PIK3C2G: variants seen among roughly 807,000 people sequenced by gnomAD.
PIK3C2G encodes phosphatidylinositol 3-kinase C2 domain-containing subunit gamma.
A neutral mutation model predicts 181.1 loss-of-function variants in PIK3C2G; 168 were observed. The observed-to-expected ratio is 0.93, with a 90% CI of 0.82 to 1.05. PIK3C2G has a LOEUF of 1.05. PIK3C2G is among the 50% of genes least tolerant of loss of function. The pLI, the probability that PIK3C2G is intolerant of heterozygous loss-of-function variation, is 0.00. For missense variants in PIK3C2G, 1,869 were observed against 1,732.8 expected (o/e 1.08, Z -1.40); for synonymous variants, 573 against 592.2 (o/e 0.97, Z 0.47).
chr12:18,637,423 A>C (rs1016784443), intron 31 of PIK3C2G, among the ~76,000 whole-genome samples: 1 of 151,800 alleles, frequency 6.6e-6, no homozygotes, highest in Non-Finnish European at 1.5e-5. Context: ...TTTACAAAAA[A>C]ATGAAATAAG....
Position 18,562,732 on chromosome 12 carries a change from C to T in PIK3C2G, c.3620C>T (p.Pro1207Leu). The T allele has an allele frequency of 6.2e-7, 1 of 1,602,742 alleles. No individual in the cohort carries two copies. Among genetic ancestry groups the T allele is most frequent in the Non-Finnish European group, 8.5e-7 (1 of 1,173,444 alleles). Residue 1207 changes from proline to leucine, a missense_variant, in exon 27 of 33, where the codon CCT becomes CTT. Coordinates refer to ENST00000538779, the MANE Select transcript of PIK3C2G (RefSeq NM_001288772.2). ...KKIKESLECF[P>L]VKLNNLIHTL... ...ATAAAGGAAAGTCTGGAGTGTTTCC[C>T]TGTTAAATTGAATAACTTGATCCAC...
At chr12:18,540,807 A>T (rs1188807411) in intron 25 of PIK3C2G, among the ~76,000 whole-genome samples, 1 of 151,838 alleles carries the variant, frequency 6.6e-6, no homozygotes, top group Non-Finnish European at 1.5e-5. Context: ...TGAAATAGAG[A>T]TCAGAAGCAA....
chr12:18,292,222 AAAAAAATATATATATATATAT>A (rs1220430236), intron 4 of PIK3C2G, among the ~76,000 whole-genome samples: 6 of 104,382 alleles, frequency 5.7e-5, no homozygotes, highest in African/African-American at 1.9e-4. Context: ...AAAAAAAAAA[AAAAAAATATATATATATATAT>A]ATATATATAT....
intron 29 of PIK3C2G, among the ~76,000 whole-genome samples, chr12:18,579,159 A>T (rs1181403471): frequency 3.3e-5 from 5 of 152,168 alleles, no homozygotes; most frequent in Non-Finnish European, 2.9e-5. Flanking sequence ...TTGGTTGCAG[A>T]CAAGAAATTA....
At chr12:18,693,312 GC>G in the PIK3C2G span, 1 of 1,536,202 alleles carries the variant, frequency 6.5e-7, no homozygotes, top group South Asian at 1.1e-5. Flanking sequence ...GGTGGAAAAG[GC>G]CCCCCAAGAG....
chr12:18,330,849 G>A (rs368012604), intron 8 of PIK3C2G, among the ~76,000 whole-genome samples: 24 of 152,082 alleles, frequency 1.6e-4, no homozygotes, highest in African/African-American at 5.1e-4. Flanking sequence ...TTGTTGGTTC[G>A]TTCGCTTGCT....
intron 24 of PIK3C2G, among the ~76,000 whole-genome samples, chr12:18,528,091 T>A (rs1307674928): frequency 6.6e-6 from 1 of 152,164 alleles, no homozygotes; most frequent in East Asian, 1.9e-4. Context: ...CATGTTCTCA[T>A]CATATTGTAC....
At chr12:18,676,139 C>T in the PIK3C2G span, among the ~76,000 whole-genome samples, 1 of 152,016 alleles carries the variant, frequency 6.6e-6, no homozygotes, top group Non-Finnish European at 1.5e-5. Flanking sequence ...GACTGTGAGG[C>T]AAGAGACAGC....
At chr12:18,463,015 TA>T (rs1373345766) in intron 18 of PIK3C2G, among the ~76,000 whole-genome samples, 8 of 152,204 alleles carry the variant, frequency 5.3e-5, no homozygotes, top group African/African-American at 1.9e-4. Context: ...CTTTATTGGA[TA>T]CACTTAAAAA....
chr12:18,649,251 C>T (rs1950316687), downstream of PIK3C2G, among the ~76,000 whole-genome samples: 1 of 152,060 alleles, frequency 6.6e-6, no homozygotes. Context: ...AAGAAACTGC[C>T]ACAGATTTCC....
intron 18 of PIK3C2G, among the ~76,000 whole-genome samples, chr12:18,438,410 T>C (rs1172199217): frequency 2.0e-5 from 3 of 151,916 alleles, no homozygotes; most frequent in Non-Finnish European, 2.9e-5. Flanking sequence ...GAGAGAGTGT[T>C]GCTAAGAATT....
intron 18 of PIK3C2G, among the ~76,000 whole-genome samples, chr12:18,452,627 C>T (rs1199078877): frequency 6.6e-6 from 1 of 151,874 alleles, no homozygotes; most frequent in African/African-American, 2.4e-5. Flanking sequence ...TTTGTTTGCT[C>T]TTGCTTCTCT....
chr12:18,615,470 T>C lies in PIK3C2G; in HGVS notation c.4182+5841T>C, dbSNP rs562716910. On this transcript the variant is annotated intron_variant, in intron 31 of 32. Coordinates refer to ENST00000538779, the MANE Select transcript of PIK3C2G (RefSeq NM_001288772.2). The stretch of plus-strand genomic sequence containing the variant: ...AATATATATATCATTTTTTTTCACT[T>C]GTTGGTTGATGGGCATCTAGACTGT... Among the ~76,000 whole-genome samples the C allele has an allele frequency of 2.6e-4, 40 of 151,742 alleles. No individual in the cohort carries two copies. The South Asian group carries it at 8.1e-3, about 31-fold the overall frequency.
chr12:18,654,138 G>A, the PIK3C2G span, among the ~76,000 whole-genome samples: 1 of 151,994 alleles, frequency 6.6e-6, no homozygotes, highest in African/African-American at 2.4e-5. Flanking sequence ...AACACAGACT[G>A]GGCAGATATG....
At chr12:18,572,261 A>T (rs1175725603) in intron 29 of PIK3C2G, among the ~76,000 whole-genome samples, 1 of 148,678 alleles carries the variant, frequency 6.7e-6, no homozygotes, top group East Asian at 1.9e-4. Flanking sequence ...TTTTGCTGAC[A>T]ATACTATTTT....
the PIK3C2G span, chr12:18,723,472 T>A: frequency 6.2e-7 from 1 of 1,613,094 alleles, no homozygotes; most frequent in Non-Finnish European, 8.5e-7. Flanking sequence ...TTCTTCTCTG[T>A]GCGTGATAAT....
At chr12:18,414,954 G>C (rs1340275651) in intron 16 of PIK3C2G, among the ~76,000 whole-genome samples, 2 of 152,046 alleles carry the variant, frequency 1.3e-5, no homozygotes, top group Non-Finnish European at 2.9e-5. Flanking sequence ...GCTTCTTCTG[G>C]AACTTCAAGC....
At chr12:18,536,631 C>T (rs1305630161) in intron 24 of PIK3C2G, among the ~76,000 whole-genome samples, 2 of 152,012 alleles carry the variant, frequency 1.3e-5, no homozygotes, top group Non-Finnish European at 2.9e-5. Flanking sequence ...AGTTAATCCT[C>T]ACAGCAATTC....
intron 5 of PIK3C2G, among the ~76,000 whole-genome samples, chr12:18,302,828 G>T (rs1479746530): frequency 6.6e-6 from 1 of 152,074 alleles, no homozygotes. Context: ...AGGATGCAGT[G>T]ATTCCCAGCC....
Sources: allele counts gnomAD v4.1 joint callset (sites outside exome capture counted in the v4.1 genomes callset), GRCh38; gene constraint gnomAD v4.1.1; transcripts MANE v1.5; gene names NCBI Gene and HGNC (gene_info 2026-07-23, HGNC 2026-07-21).